The following TIAM1 variants were observed in gnomAD, a reference collection of about 807,000 sequenced individuals.
The protein encoded by TIAM1 is TIAM Rac1 associated GEF 1.
In TIAM1, 65 loss-of-function variants were observed where a neutral mutation model predicts 163.5. The ratio of observed to expected loss-of-function variants is 0.40; its 90% CI spans 0.33 to 0.49. TIAM1 has a LOEUF of 0.49. Ranked by LOEUF, TIAM1 falls within the 20% of genes least tolerant of loss-of-function variation. The pLI is 0.77. For missense variants in TIAM1, 1,789 were observed against 2,044.7 expected, an observed-to-expected ratio of 0.87 and a Z score of 2.41; for synonymous variants, 833 against 810.1, an observed-to-expected ratio of 1.03 and a Z score of -0.48.
At chr21:31,173,737 C>A (rs917773690) in intron 15 of TIAM1, among the ~76,000 whole-genome samples, 1 of 152,118 alleles carries the variant, frequency 6.6e-6, no homozygotes, top group Admixed American at 6.5e-5. Context: ...AAATCTCAGT[C>A]TTTGTTTCCT....
chr21:31,227,463 G>A (rs1264636530), intron 6 of TIAM1, among the ~76,000 whole-genome samples: 1 of 152,226 alleles, frequency 6.6e-6, no homozygotes, highest in Admixed American at 6.5e-5. Context: ...AACTGGTCCA[G>A]CAGTTGTTAT....
At chr21:31,196,312 TTTC>T (rs2085851567) in intron 12 of TIAM1, among the ~76,000 whole-genome samples, 1 of 149,548 alleles carries the variant, frequency 6.7e-6, no homozygotes, top group Non-Finnish European at 1.5e-5. Flanking sequence ...TCTTTTCTTT[TTTC>T]TTTTTTTTTT....
rs1234863569 is a variant in TIAM1 at position 31,527,323 on chromosome 21, A to C, written c.-422+31604T>G. 2.0e-5 allele frequency among the ~76,000 whole-genome samples: 3 copies of C among 152,178 alleles called. No homozygotes were observed. The South Asian group carries it at 6.2e-4, about 32-fold the overall frequency. ...GGTAGAGAATGAGTAGGGTAAACTC[A>C]GGTTATCAGAATCTTAGAGGAGGCC... On this transcript the variant is annotated intron_variant, in intron 1 of 28. Coordinates refer to the TIAM1 transcript ENST00000286827.
At chr21:31,151,323 A>G (rs111441509) in intron 19 of TIAM1, among the ~76,000 whole-genome samples, 3,782 of 152,316 alleles carry the variant, frequency 0.025, 147 homozygotes, top group African/African-American at 0.086. Context: ...CAAATGCCCA[A>G]GAAAGGTGAA....
intron 2 of TIAM1, among the ~76,000 whole-genome samples, chr21:31,292,670 CTT>C (rs66519831): frequency 3.6e-4 from 48 of 131,810 alleles, no homozygotes; most frequent in Non-Finnish European, 3.4e-4. Flanking sequence ...GTGCCTGGCA[CTT>C]TTTTTTTTTT....
chr21:31,279,677 T>C (rs2073458027), intron 2 of TIAM1, among the ~76,000 whole-genome samples: 1 of 152,206 alleles, frequency 6.6e-6, no homozygotes, highest in Non-Finnish European at 1.5e-5. Flanking sequence ...AATGAGATCA[T>C]CTATGTTACA....
chr21:31,253,066 A>G, intron 4 of TIAM1, among the ~76,000 whole-genome samples: 1 of 152,266 alleles, frequency 6.6e-6, no homozygotes, highest in South Asian at 2.1e-4. Flanking sequence ...TCCGGGACAG[A>G]CAGGTCTGTT....
chr21:31,447,611 G>A (rs193046077), intron 2 of TIAM1, among the ~76,000 whole-genome samples: 5 of 152,238 alleles, frequency 3.3e-5, no homozygotes, highest in African/African-American at 9.6e-5. Flanking sequence ...GAGATAAGAG[G>A]AGCAAAAGCA....
intron 1 of TIAM1, among the ~76,000 whole-genome samples, chr21:31,540,570 T>C (rs993923178): frequency 6.6e-6 from 1 of 152,196 alleles, no homozygotes; most frequent in African/African-American, 2.4e-5. Context: ...GGGACCCCCA[T>C]CTCTGCAGAT....
intron 2 of TIAM1, among the ~76,000 whole-genome samples, chr21:31,278,094 A>G (rs2073383676): frequency 1.3e-5 from 2 of 152,188 alleles, no homozygotes; most frequent in Admixed American, 6.5e-5. Context: ...ACAGAAATGA[A>G]AGGAAACCAG....
rs1188617704 is a variant in TIAM1 at position 31,409,110 on chromosome 21, TTC to T, written c.-369+54871_-369+54872del. Among the ~76,000 whole-genome samples, 786 of 138,578 alleles carry T rather than the reference TTC, an allele frequency of 5.7e-3. 8 individuals carry two copies. Among genetic ancestry groups the T allele is most frequent in the African/African-American group, 0.022 (718 of 32,198 alleles). 90.9% of individuals were successfully genotyped at this position (138,578 alleles called of 152,430 possible). ...TGGCAGCAACTCAGACCTTCTCCTT[TTC>T]TTTTTTTTTTTTTTTTGAGACGAAG... On this transcript the variant is annotated intron_variant, in intron 2 of 28. Transcript: ENST00000286827.
chr21:31,321,456 G>A (rs2075310993), intron 2 of TIAM1, among the ~76,000 whole-genome samples: 1 of 152,094 alleles, frequency 6.6e-6, no homozygotes, highest in Non-Finnish European at 1.5e-5. Context: ...GGGCTCAAGC[G>A]ATTCTCCTTC....
intron 1 of TIAM1, among the ~76,000 whole-genome samples, chr21:31,484,704 A>G (rs779463753): frequency 6.6e-6 from 1 of 152,186 alleles, no homozygotes; most frequent in Non-Finnish European, 1.5e-5. Flanking sequence ...GAGACTTTCT[A>G]GGACCGTGAC....
intron 2 of TIAM1, among the ~76,000 whole-genome samples, chr21:31,435,994 T>C (rs80240682): frequency 0.017 from 2,549 of 152,294 alleles, 39 homozygotes; most frequent in Middle Eastern, 0.041. Context: ...GTTTATAAAT[T>C]ATGCAGTCTG....
In TIAM1 at chr21:31,539,480, T is replaced by C. The variant is rs375971108; in HGVS notation, c.-422+19447A>G. Among the ~76,000 whole-genome samples the C allele has an allele frequency of 1.4e-4, 21 of 151,822 alleles. No homozygotes were observed. The Middle Eastern group carries it at 0.014, about 98-fold the overall frequency. The stretch of plus-strand genomic sequence containing the variant: ...CGGGGTTTCACCGTGTTAGCCAGGA[T>C]GGTCTTGATCTCCTGACCTCGTGAT... On this transcript the variant is annotated intron_variant, in intron 1 of 28. Coordinates refer to the TIAM1 transcript ENST00000286827.
At chr21:31,125,845 G>T (rs1186314937) in intron 26 of TIAM1, among the ~76,000 whole-genome samples, 1 of 152,238 alleles carries the variant, frequency 6.6e-6, no homozygotes, top group Non-Finnish European at 1.5e-5. Context: ...AAAGTGCTGG[G>T]ATTACAGGCA....
intron 2 of TIAM1, among the ~76,000 whole-genome samples, chr21:31,381,898 T>G (rs557685132): frequency 8.5e-5 from 13 of 152,264 alleles, no homozygotes; most frequent in South Asian, 4.1e-4. Context: ...AGGATATATA[T>G]AGAGAGAGGC....
chr21:31,163,194 C>T (rs2084016120), intron 16 of TIAM1, among the ~76,000 whole-genome samples: 1 of 152,120 alleles, frequency 6.6e-6, no homozygotes, highest in African/African-American at 2.4e-5. Context: ...AGCTATTTGC[C>T]TAAATCCAGT....
At chr21:31,517,889 A>T (rs2047437204) in intron 1 of TIAM1, among the ~76,000 whole-genome samples, 1 of 152,182 alleles carries the variant, frequency 6.6e-6, no homozygotes, top group South Asian at 2.1e-4. Flanking sequence ...CTCCTCCATG[A>T]TCAACTTCCT....
Sources: allele counts gnomAD v4.1 joint callset (sites outside exome capture counted in the v4.1 genomes callset), GRCh38; gene constraint gnomAD v4.1.1; transcripts MANE v1.5; gene names NCBI Gene and HGNC (gene_info 2026-07-23, HGNC 2026-07-21).